The following DBT variants were observed in gnomAD, a reference collection of about 807,000 sequenced individuals.
DBT encodes the protein lipoamide acyltransferase component of branched-chain alpha-keto acid dehydrogenase complex, mitochondrial.
In DBT, 40 loss-of-function variants were observed where a neutral mutation model predicts 51.3. That is an observed-to-expected ratio of 0.78 (90% CI 0.61 to 1.02). The LOEUF (loss-of-function observed/expected upper bound fraction) is 1.02. Ranked by LOEUF, DBT falls within the 50% of genes least tolerant of loss-of-function variation. The probability of loss-of-function intolerance (pLI) is 0.00; values close to 1 mark genes in which losing one functional copy is unlikely to be tolerated. For synonymous variants in DBT, 181 were observed against 190.4 expected (o/e 0.95, Z 0.41); for missense variants, 510 against 580.2 (o/e 0.88, Z 1.24).
intron 7 of DBT, among the ~76,000 whole-genome samples, chr1:100,213,963 A>AT (rs1238764977): frequency 7.4e-6 from 1 of 134,490 alleles, no homozygotes; most frequent in Non-Finnish European, 1.6e-5. Context: ...AAAAAAAAAA[A>AT]AAAAGAGAGA....
At chr1:100,237,257 C>T (rs988756635) in intron 2 of DBT, among the ~76,000 whole-genome samples, 2 of 152,128 alleles carry the variant, frequency 1.3e-5, no homozygotes, top group African/African-American at 4.8e-5. Context: ...CCATCGGAAA[C>T]CCAGCATGAA....
chr1:100,245,529 C>T (rs1372286010), intron 1 of DBT, among the ~76,000 whole-genome samples: 3 of 152,238 alleles, frequency 2.0e-5, no homozygotes, highest in African/African-American at 7.2e-5. Flanking sequence ...ACACCCAATT[C>T]ACCTCTAGTG....
chr1:100,234,902 T>A (rs1441972160), intron 3 of DBT, among the ~76,000 whole-genome samples: 1 of 152,234 alleles, frequency 6.6e-6, no homozygotes, highest in African/African-American at 2.4e-5. Context: ...TTACTCATCT[T>A]AACTGCCACT....
chr1:100,219,127 G>A (rs982792378), intron 4 of DBT, among the ~76,000 whole-genome samples: 2 of 152,104 alleles, frequency 1.3e-5, no homozygotes, highest in African/African-American at 4.8e-5. Flanking sequence ...CAAGGCAGAA[G>A]GATCACCTGA....
intron 4 of DBT, among the ~76,000 whole-genome samples, chr1:100,230,150 C>T (rs1350076611): frequency 2.0e-5 from 3 of 152,054 alleles, no homozygotes; most frequent in Non-Finnish European, 2.9e-5. Flanking sequence ...TCTTTAATTA[C>T]TGAGAGAGCT....
chr1:100,201,000 C>T (rs981205495), intron 10 of DBT, among the ~76,000 whole-genome samples: 7 of 152,164 alleles, frequency 4.6e-5, no homozygotes, highest in African/African-American at 1.7e-4. Flanking sequence ...GACGCCTCTT[C>T]TCCTCCAAAG....
intron 7 of DBT, chr1:100,211,271 A>G (rs1662120603): frequency 3.2e-6 from 2 of 624,764 alleles, no homozygotes; most frequent in Non-Finnish European, 5.8e-6. Context: ...TGTCCTGAAC[A>G]TTTACTTTAC....
intron 1 of DBT, chr1:100,249,423 T>G: frequency 2.4e-6 from 1 of 415,030 alleles, no homozygotes; most frequent in Non-Finnish European, 4.6e-6. Flanking sequence ...ATACTGTGGG[T>G]ACGCAATAAA....
intron 7 of DBT, among the ~76,000 whole-genome samples, chr1:100,212,946 G>C (rs1241675304): frequency 2.0e-5 from 3 of 152,186 alleles, no homozygotes; most frequent in Admixed American, 6.5e-5. Flanking sequence ...AAAAGAATCA[G>C]AGAATATTAC....
chr1:100,222,344 C>T lies in DBT; in HGVS notation c.434-3597G>A, dbSNP rs1266660815. Among the ~76,000 whole-genome samples the T allele has an allele frequency of 2.6e-5, 4 of 152,246 alleles. No individual in the cohort carries two copies. The East Asian group carries it at 7.7e-4, about 29-fold the overall frequency. ...AAAATCTATATATTTGTAAACTAAA[C>T]TGTGTTGTTGTAGCAGAATTTTGTA... On this transcript the variant is annotated intron_variant, in intron 4 of 10. Transcript: ENST00000370132.
intron 1 of DBT, chr1:100,249,290 G>A (rs1320938504): frequency 8.5e-6 from 2 of 235,416 alleles, no homozygotes; most frequent in Non-Finnish European, 1.7e-5. Flanking sequence ...GCAAAAGAGT[G>A]ACGCCGAGCT....
At chr1:100,227,213 G>T (rs548475070) in intron 4 of DBT, among the ~76,000 whole-genome samples, 1 of 152,330 alleles carries the variant, frequency 6.6e-6, no homozygotes, top group East Asian at 1.9e-4. Context: ...TGTATATGCA[G>T]TCTGTTGTTG....
At position 100,206,072 on chromosome 1, in the gene DBT, TA is replaced by T. The variant is rs35150096; in HGVS notation, c.1281+157del. On this transcript the variant is annotated intron_variant, in intron 10 of 10. Coordinates refer to ENST00000370132, the MANE Select transcript of DBT (RefSeq NM_001918.5). ...GCACATGTATCCCAGAACTTAAAGT[TA>T]AAAAAAAAAAAAAAAAAGAAATAAT... Among the ~76,000 whole-genome samples the T allele has an allele frequency of 0.4, 50,053 of 124,818 alleles. 9,350 individuals are homozygous for T. Among genetic ancestry groups the T allele is most frequent in the Non-Finnish European group, 0.47 (28,325 of 59,808 alleles). The allele number at this position is 124,818 out of a possible 152,430, so 81.9% of individuals were successfully genotyped here. A position where few individuals can be genotyped will look rare whatever the true frequency, so the allele number is the denominator to read the frequency against.
intron 7 of DBT, chr1:100,213,191 A>G (rs1662255431): frequency 2.0e-6 from 1 of 507,878 alleles, no homozygotes; most frequent in Non-Finnish European, 3.1e-6. Flanking sequence ...CTGAGAATTA[A>G]GAGATAATGG....
In DBT at chr1:100,195,226, A is replaced by G. The variant is rs1471194155; in HGVS notation, c.*1029T>C. On this transcript the variant is annotated 3_prime_UTR_variant, in exon 11 of 11. Coordinates refer to ENST00000370132, the MANE Select transcript of DBT (RefSeq NM_001918.5). Reference sequence around the variant, plus strand: ...AAAAAGAAATGTCAGTGGCTGCTACATTTAAAGTACCTTCCTTACATGAGG... The same window carrying G: ...AAAAAGAAATGTCAGTGGCTGCTACGTTTAAAGTACCTTCCTTACATGAGG... 3 of 152,646 alleles carry G rather than the reference A, an allele frequency of 2.0e-5. No homozygotes were observed. The East Asian group carries it at 5.8e-4, about 29-fold the overall frequency. 9.5% of individuals were successfully genotyped at this position (152,646 alleles called of 1,614,324 possible).
intron 4 of DBT, among the ~76,000 whole-genome samples, chr1:100,220,012 G>A (rs1216778059): frequency 6.6e-6 from 1 of 152,028 alleles, no homozygotes; most frequent in Non-Finnish European, 1.5e-5. Flanking sequence ...AGGTGTGGTG[G>A]TGTGTGCCTG....
At chr1:100,235,145 T>C (rs1179538669) in intron 3 of DBT, among the ~76,000 whole-genome samples, 1 of 152,166 alleles carries the variant, frequency 6.6e-6, no homozygotes, top group Non-Finnish European at 1.5e-5. Flanking sequence ...TCAAACATAC[T>C]TACATTCTTA....
At chr1:100,243,530 C>T (rs1664353348) in intron 1 of DBT, among the ~76,000 whole-genome samples, 1 of 151,934 alleles carries the variant, frequency 6.6e-6, no homozygotes, top group Non-Finnish European at 1.5e-5. Context: ...TTATGTTGCC[C>T]AGGGTGCTCT....
At chr1:100,219,341 C>A (rs982740074) in intron 4 of DBT, among the ~76,000 whole-genome samples, 11 of 151,536 alleles carry the variant, frequency 7.3e-5, no homozygotes, top group African/African-American at 2.4e-4. Context: ...GACAGTGAGA[C>A]CCTGTCTCAA....
Sources: allele counts gnomAD v4.1 joint callset (sites outside exome capture counted in the v4.1 genomes callset), GRCh38; gene constraint gnomAD v4.1.1; transcripts MANE v1.5; gene names NCBI Gene and HGNC (gene_info 2026-07-23, HGNC 2026-07-21).